TMEM108: variants seen among roughly 807,000 people sequenced by gnomAD.
TMEM108 encodes the protein cancer/testis antigen 124.
A neutral mutation model predicts 35.1 loss-of-function variants in TMEM108; 12 were observed. The ratio of observed to expected loss-of-function variants is 0.34; its 90% CI spans 0.22 to 0.55. The LOEUF is 0.55. Among genes scored for constraint, TMEM108 ranks in the 20% least tolerant of loss-of-function variants. TMEM108 has a pLI of 0.89. For missense variants in TMEM108, 680 were observed against 753.3 expected (o/e 0.90, Z 1.14); for synonymous variants, 287 against 308.6 (o/e 0.93, Z 0.73).
At chr3:133,316,063 A>G (rs1341936220) in intron 3 of TMEM108, among the ~76,000 whole-genome samples, 3 of 152,244 alleles carry the variant, frequency 2.0e-5, no homozygotes, top group African/African-American at 7.2e-5. Flanking sequence ...TAATAAAAAG[A>G]CAAACATTTC....
At chr3:133,395,658 A>AAAAT (rs1413679958) in intron 5 of TMEM108, among the ~76,000 whole-genome samples, 1 of 151,988 alleles carries the variant, frequency 6.6e-6, no homozygotes, top group Non-Finnish European at 1.5e-5. Flanking sequence ...CACAAAAATT[A>AAAAT]AAATATACAC....
intron 3 of TMEM108, among the ~76,000 whole-genome samples, chr3:133,264,628 G>A (rs1005838089): frequency 2.6e-5 from 4 of 152,264 alleles, no homozygotes; most frequent in South Asian, 2.1e-4. Context: ...AAAAAAAGTA[G>A]TGATAGTCTA....
chr3:133,081,611 T>C (rs932221282), intron 2 of TMEM108, among the ~76,000 whole-genome samples: 3 of 152,204 alleles, frequency 2.0e-5, no homozygotes, highest in Admixed American at 1.3e-4. Context: ...AAAATTCACA[T>C]TTCTTTGCAT....
chr3:133,230,106 G>A (rs991901043), intron 3 of TMEM108, among the ~76,000 whole-genome samples: 3 of 152,218 alleles, frequency 2.0e-5, no homozygotes, highest in African/African-American at 7.2e-5. Flanking sequence ...ACCAAAGCCA[G>A]TGAGTTGGAA....
chr3:133,130,453 C>T (rs528716627), intron 2 of TMEM108, among the ~76,000 whole-genome samples: 1 of 152,266 alleles, frequency 6.6e-6, no homozygotes, highest in East Asian at 1.9e-4. Flanking sequence ...GCTGGGAAGA[C>T]AGACAGCTGG....
chr3:133,047,961 T>C (rs1204465570), intron 2 of TMEM108, among the ~76,000 whole-genome samples: 1 of 151,998 alleles, frequency 6.6e-6, no homozygotes, highest in Admixed American at 6.6e-5. Context: ...TGAGGAACAG[T>C]GGAGTTTGAA....
intron 2 of TMEM108, among the ~76,000 whole-genome samples, chr3:133,058,208 T>G (rs1287635063): frequency 6.6e-6 from 1 of 152,228 alleles, no homozygotes; most frequent in Non-Finnish European, 1.5e-5. Context: ...ACATCAGATA[T>G]CCCACTCCAC....
chr3:133,153,964 G>A (rs995039838), intron 2 of TMEM108, among the ~76,000 whole-genome samples: 1 of 151,704 alleles, frequency 6.6e-6, no homozygotes, highest in Non-Finnish European at 1.5e-5. Context: ...AAATGAAGGT[G>A]GTATATGGAG....
chr3:133,340,454 G>A (rs2071627305), intron 3 of TMEM108, among the ~76,000 whole-genome samples: 1 of 151,384 alleles, frequency 6.6e-6, no homozygotes, highest in Admixed American at 6.6e-5. Context: ...AGTTCTCCTA[G>A]CAAAGAAAAG....
chr3:133,144,699 T>A (rs1944691032), intron 2 of TMEM108, among the ~76,000 whole-genome samples: 1 of 152,248 alleles, frequency 6.6e-6, no homozygotes, highest in Non-Finnish European at 1.5e-5. Context: ...TGCTTTTGAT[T>A]TGCATTTCCC....
intron 3 of TMEM108, among the ~76,000 whole-genome samples, chr3:133,347,106 A>T (rs1280623857): frequency 6.6e-6 from 1 of 152,094 alleles, no homozygotes; most frequent in Non-Finnish European, 1.5e-5. Flanking sequence ...TCAGTATTGC[A>T]TTGGCTATTG....
chr3:133,279,640 T>C (rs1017833642), intron 3 of TMEM108, among the ~76,000 whole-genome samples: 1 of 152,190 alleles, frequency 6.6e-6, no homozygotes, highest in Non-Finnish European at 1.5e-5. Flanking sequence ...TGTACCACAC[T>C]CAGTGCCTGG....
chr3:133,376,557 G>A (rs893888310), intron 3 of TMEM108, among the ~76,000 whole-genome samples: 2 of 152,298 alleles, frequency 1.3e-5, no homozygotes, highest in African/African-American at 4.8e-5. Flanking sequence ...CGTCAGTCAG[G>A]AAGTGCAGTG....
chr3:133,279,889 C>G (rs572729601), intron 3 of TMEM108, among the ~76,000 whole-genome samples: 2 of 152,226 alleles, frequency 1.3e-5, no homozygotes, highest in African/African-American at 4.8e-5. Flanking sequence ...AAGGAAACTG[C>G]AAAGTAGATA....
At chr3:133,213,938 C>G (rs536945289) in intron 2 of TMEM108, among the ~76,000 whole-genome samples, 38 of 152,144 alleles carry the variant, frequency 2.5e-4, no homozygotes, top group African/African-American at 9.2e-4. Context: ...ATTAATAAAT[C>G]CAATTTTAAT....
intron 3 of TMEM108, among the ~76,000 whole-genome samples, chr3:133,324,908 G>A (rs576072008): frequency 1.3e-5 from 2 of 152,258 alleles, no homozygotes; most frequent in East Asian, 1.9e-4. Context: ...CCTGGGAGAC[G>A]GAGGTTACAG....
intron 2 of TMEM108, among the ~76,000 whole-genome samples, chr3:133,057,461 A>ATC (rs1559818455): frequency 9.2e-5 from 4 of 43,570 alleles, no homozygotes; most frequent in African/African-American, 2.5e-4. Context: ...ATATATATAT[A>ATC]TATATATATA....
intron 2 of TMEM108, among the ~76,000 whole-genome samples, chr3:133,060,167 G>A (rs895754752): frequency 1.3e-5 from 2 of 152,172 alleles, no homozygotes; most frequent in Non-Finnish European, 2.9e-5. Flanking sequence ...CAGGTGGAGA[G>A]GATAGACATT....
intron 2 of TMEM108, among the ~76,000 whole-genome samples, chr3:133,158,169 C>T (rs1220571693): frequency 6.6e-6 from 1 of 152,116 alleles, no homozygotes; most frequent in African/African-American, 2.4e-5. Flanking sequence ...TCTCATGTAT[C>T]TTAGAAACTG....
Sources: gnomAD v4.1 joint callset for allele counts (sites outside exome capture counted in the v4.1 genomes callset) on GRCh38, gnomAD v4.1.1 for gene constraint, MANE v1.5 for transcripts, NCBI Gene and HGNC (gene_info 2026-07-23, HGNC 2026-07-21) for gene names.